The following ATF3 variants were observed in gnomAD, a reference collection of about 807,000 sequenced individuals.
The protein encoded by ATF3 is activating transcription factor 3.
ATF3 carries 10 observed loss-of-function variants against 18.4 expected under a neutral mutation model. The ratio of observed to expected loss-of-function variants is 0.54; its 90% CI spans 0.34 to 0.92. The LOEUF (loss-of-function observed/expected upper bound fraction) is 0.92, where lower values mean the gene tolerates loss of function less well. Ranked by LOEUF, ATF3 falls within the 40% of genes least tolerant of loss-of-function variation. The pLI is 0.02. For missense variants in ATF3, 183 were observed against 222.3 expected, an observed-to-expected ratio of 0.82 and a Z score of 1.12; for synonymous variants, 78 against 87.9, an observed-to-expected ratio of 0.89 and a Z score of 0.63.
Position 212,576,716 on chromosome 1 carries a change from C to CTTTTT in ATF3, c.-5+11237_-5+11238insTTTTT, listed in dbSNP as rs761124416. 4.1e-3 allele frequency among the ~76,000 whole-genome samples: 320 copies of CTTTTT among 78,152 alleles called. 5 individuals are homozygous for CTTTTT. The highest frequency in any genetic ancestry group is 4.4e-3 in the African/African-American group (85 of 19,498). 51.3% of individuals were successfully genotyped at this position (78,152 alleles called of 152,430 possible). A position where few individuals can be genotyped will look rare whatever the true frequency, so the allele number is the denominator to read the frequency against. On this transcript the variant is annotated intron_variant, in intron 1 of 3. Coordinates refer to the ATF3 transcript ENST00000366981. ...TTATTAAAAAATATTCTTTTCTTTT[C>CTTTTT]TTTTCTTTTTTTTTTTTTTTTTTTT...
intron 1 of ATF3, 82 bp from the exon 2 acceptor site, chr1:212,614,936 G>A (rs903972489): frequency 6.2e-7 from 1 of 1,612,642 alleles, no homozygotes; most frequent in Non-Finnish European, 8.5e-7. Flanking sequence ...GGGCTCTGGT[G>A]TTGGAGGTCT....
At chr1:212,568,564 T>G (rs1664423812) in intron 1 of ATF3, among the ~76,000 whole-genome samples, 1 of 152,148 alleles carries the variant, frequency 6.6e-6, no homozygotes. Flanking sequence ...TTACTTCAAG[T>G]AGTAAATTTA....
chr1:212,594,863 T>G lies in ATF3; in HGVS notation c.-4-20155T>G, dbSNP rs546093302. 1.1e-3 allele frequency among the ~76,000 whole-genome samples: 170 copies of G among 152,280 alleles called. 3 individuals are homozygous for G. Among genetic ancestry groups the G allele is most frequent in the Admixed American group, 0.011 (170 of 15,294 alleles). On this transcript the variant is annotated intron_variant, in intron 1 of 3. Transcript: ENST00000366981. ...AAGAAGAGAGTGTTGCCAGCACCTGTGAGCAGAATTAACCCATTGGCTGAT... is the reference window on the plus strand; with the variant it reads ...AAGAAGAGAGTGTTGCCAGCACCTGGGAGCAGAATTAACCCATTGGCTGAT...
intron 1 of ATF3, among the ~76,000 whole-genome samples, chr1:212,567,778 A>G (rs1165788258): frequency 6.6e-6 from 1 of 152,150 alleles, no homozygotes; most frequent in Non-Finnish European, 1.5e-5. Flanking sequence ...GCCCATGGGG[A>G]GGGGGACTGG....
chr1:212,603,186 T>C (rs1466308854), intron 1 of ATF3, among the ~76,000 whole-genome samples: 3 of 152,158 alleles, frequency 2.0e-5, no homozygotes, highest in African/African-American at 7.2e-5. Context: ...GGCATAGAGA[T>C]GCTAGAGCTG....
chr1:212,602,174 T>C (rs1211965378), intron 1 of ATF3, among the ~76,000 whole-genome samples: 1 of 152,154 alleles, frequency 6.6e-6, no homozygotes, highest in Non-Finnish European at 1.5e-5. Flanking sequence ...CTTTCTGCCA[T>C]CCCTGGCTTC....
At chr1:212,586,405 C>T (rs936327380) in intron 1 of ATF3, among the ~76,000 whole-genome samples, 2 of 152,192 alleles carry the variant, frequency 1.3e-5, no homozygotes, top group Non-Finnish European at 2.9e-5. Flanking sequence ...CTTTCTTCCT[C>T]TTTGCTGCTC....
Position 212,619,168 on chromosome 1 carries a change from G to A in ATF3, c.349-190G>A. 2 of 1,613,488 alleles carry A rather than the reference G, an allele frequency of 1.2e-6. No individual in the cohort carries two copies. Among genetic ancestry groups the A allele is most frequent in the South Asian group, 1.1e-5 (1 of 91,064 alleles). ...AGGCCGCCTCTGTGGCATCACCAGG[G>A]TTTCTCTGAAGAAGAGGGTCTGCAT... On this transcript the variant is annotated intron_variant, in intron 3 of 3. Coordinates refer to ENST00000341491, the MANE Select transcript of ATF3 (RefSeq NM_001674.4). The surrounding 1 kb of genome is among the most constrained non-coding windows in gnomAD (Gnocchi z 4.4).
At position 212,618,778 on chromosome 1, in the gene ATF3, A is replaced by G. The variant is rs1289471098; in HGVS notation, c.348+544A>G. 1 of 550,528 alleles carries G rather than the reference A, an allele frequency of 1.8e-6. No homozygotes were observed. Among genetic ancestry groups the G allele is most frequent in the Non-Finnish European group, 3.3e-6 (1 of 307,654 alleles). 34.1% of individuals were successfully genotyped at this position (550,528 alleles called of 1,614,324 possible). A position where few individuals can be genotyped will look rare whatever the true frequency, so the allele number is the denominator to read the frequency against. On this transcript the variant is annotated intron_variant, in intron 3 of 3. Coordinates refer to ENST00000341491, the MANE Select transcript of ATF3 (RefSeq NM_001674.4). This position sits in a 1 kb window ranked among gnomAD's most constrained non-coding sequence, Gnocchi z 4.4. Reference sequence around the variant, plus strand: ...GCCCGCCTGAGAGACACTAGGGGAAATAGCTTTTGTGGGCAAGCAGGGTGG... The same window carrying G: ...GCCCGCCTGAGAGACACTAGGGGAAGTAGCTTTTGTGGGCAAGCAGGGTGG...
intron 1 of ATF3, among the ~76,000 whole-genome samples, chr1:212,570,103 T>C (rs1664453574): frequency 6.6e-6 from 1 of 150,718 alleles, no homozygotes; most frequent in South Asian, 2.1e-4. Context: ...TTTTATAATA[T>C]GTAAAATATA....
intron 1 of ATF3, among the ~76,000 whole-genome samples, chr1:212,581,930 T>C (rs879658053): frequency 1.6e-4 from 25 of 152,232 alleles, no homozygotes; most frequent in Admixed American, 2.6e-4. Flanking sequence ...GGGGTCTTCT[T>C]TTAATGAATA....
chr1:212,614,313 A>G (rs1655009877), intron 1 of ATF3, among the ~76,000 whole-genome samples: 2 of 152,162 alleles, frequency 1.3e-5, no homozygotes, highest in African/African-American at 4.8e-5. Context: ...TTTCTTTAAG[A>G]CCTTTTGCTT....
At chr1:212,585,919 G>T (rs1226987215) in intron 1 of ATF3, among the ~76,000 whole-genome samples, 1 of 152,028 alleles carries the variant, frequency 6.6e-6, no homozygotes, top group East Asian at 1.9e-4. Flanking sequence ...AGGTTCCCCG[G>T]GCCTTTAGTC....
chr1:212,570,034 G>C (rs779242671), intron 1 of ATF3, among the ~76,000 whole-genome samples: 11 of 152,086 alleles, frequency 7.2e-5, no homozygotes, highest in Non-Finnish European at 1.5e-4. Context: ...TGAATCTTCT[G>C]TTCAGAGCCT....
intron 2 of ATF3, among the ~76,000 whole-genome samples, chr1:212,616,810 G>A (rs1306590930): frequency 6.6e-6 from 1 of 152,170 alleles, no homozygotes; most frequent in Non-Finnish European, 1.5e-5. Flanking sequence ...ATTGGATGTG[G>A]GGTGTAAGAG....
chr1:212,601,640 A>T (rs1654486862), intron 1 of ATF3, among the ~76,000 whole-genome samples: 1 of 152,250 alleles, frequency 6.6e-6, no homozygotes, highest in African/African-American at 2.4e-5. Context: ...AGGATGAAAT[A>T]AGATACTGGG....
intron 1 of ATF3, among the ~76,000 whole-genome samples, chr1:212,603,472 G>A (rs1236457354): frequency 6.6e-6 from 1 of 152,182 alleles, no homozygotes; most frequent in Non-Finnish European, 1.5e-5. Context: ...TATATGCCGT[G>A]TGTAGCATTT....
At chr1:212,604,148 T>C (rs1183525637), upstream of ATF3, among the ~76,000 whole-genome samples, 1 of 152,216 alleles carries the variant, frequency 6.6e-6, no homozygotes, top group Non-Finnish European at 1.5e-5. Context: ...ATTTGATTCT[T>C]ACAACAACCT....
upstream of ATF3, among the ~76,000 whole-genome samples, chr1:212,607,902 T>G (rs1654690021): frequency 7.0e-6 from 1 of 142,082 alleles, no homozygotes; most frequent in Admixed American, 6.7e-5. Context: ...AAACGCTTTG[T>G]GATTGTAAAA....
Sources: gnomAD v4.1 joint callset for allele counts (sites outside exome capture counted in the v4.1 genomes callset) on GRCh38, gnomAD v4.1.1 for gene constraint, Gnocchi (gnomAD v3.1) non-coding constraint, MANE v1.5 for transcripts, NCBI Gene and HGNC (gene_info 2026-07-23, HGNC 2026-07-21) for gene names.